The following MEI4 variants were observed in gnomAD, a reference collection of about 807,000 sequenced individuals.
The protein encoded by MEI4 is meiosis-specific protein MEI4.
In MEI4, 27 loss-of-function variants were observed where a neutral mutation model predicts 31.4. That is an observed-to-expected ratio of 0.86 (90% CI 0.63 to 1.19). The LOEUF is 1.19. Ranked by LOEUF, MEI4 falls within the 50% of genes most tolerant of loss-of-function variation. MEI4 has a pLI of 0.00. For synonymous variants in MEI4, 122 were observed against 145.4 expected (o/e 0.84, Z 1.16); for missense variants, 329 against 398.9 (o/e 0.82, Z 1.49).
chr6:77,890,567 T>G (rs1352594166), intron 4 of MEI4, among the ~76,000 whole-genome samples: 2 of 152,160 alleles, frequency 1.3e-5, no homozygotes, highest in Admixed American at 1.3e-4. Context: ...ACTTGGACTT[T>G]AGGGTTAATG....
chr6:77,663,359 G>A (rs1413586667), intron 1 of MEI4, among the ~76,000 whole-genome samples: 7 of 151,930 alleles, frequency 4.6e-5, no homozygotes, highest in African/African-American at 9.7e-5. Context: ...GTGCATGATC[G>A]GTCGCCAAGG....
At chr6:77,751,140 C>G (rs1312802539) in intron 2 of MEI4, among the ~76,000 whole-genome samples, 2 of 152,104 alleles carry the variant, frequency 1.3e-5, no homozygotes, top group African/African-American at 4.8e-5. Context: ...AAATGTATAG[C>G]ACTAAATGCC....
At chr6:77,922,779 T>C (rs1489323779) in intron 4 of MEI4, among the ~76,000 whole-genome samples, 1 of 151,714 alleles carries the variant, frequency 6.6e-6, no homozygotes. Flanking sequence ...GTATGACTCC[T>C]TGCCAAGTCA....
At chr6:77,658,200 C>G (rs1450629640) in intron 1 of MEI4, among the ~76,000 whole-genome samples, 1 of 151,858 alleles carries the variant, frequency 6.6e-6, no homozygotes, top group African/African-American at 2.4e-5. Context: ...GTTTTGCGGG[C>G]AGGGGGTGGG....
chr6:77,903,240 A>G lies in MEI4; in HGVS notation c.901-19849A>G, dbSNP rs1018991589. On this transcript the variant is annotated intron_variant, in intron 4 of 4. Transcript: ENST00000684080. ...GTGATGGTTAACTTACAAAATTTCAATTTAAAGTAGTGTCAAAGCAATGCA... is the reference window on the plus strand; with the variant it reads ...GTGATGGTTAACTTACAAAATTTCAGTTTAAAGTAGTGTCAAAGCAATGCA... Among the ~76,000 whole-genome samples the G allele has an allele frequency of 5.3e-5, 8 of 152,080 alleles. No individual in the cohort carries two copies. The East Asian group carries it at 9.6e-4, about 18-fold the overall frequency.
chr6:77,799,702 A>T (rs1363541020), intron 3 of MEI4, among the ~76,000 whole-genome samples: 11 of 152,014 alleles, frequency 7.2e-5, no homozygotes, highest in Non-Finnish European at 1.3e-4. Flanking sequence ...AGTTTCAGCT[A>T]TCTACATATG....
chr6:77,910,005 A>G (rs1212948871), intron 4 of MEI4, among the ~76,000 whole-genome samples: 3 of 152,166 alleles, frequency 2.0e-5, no homozygotes, highest in Non-Finnish European at 4.4e-5. Context: ...ACAAAATTCA[A>G]CAACCTTCAT....
intron 3 of MEI4, among the ~76,000 whole-genome samples, chr6:77,800,829 C>A (rs563848553): frequency 2.0e-5 from 3 of 151,882 alleles, no homozygotes; most frequent in South Asian, 4.2e-4. Flanking sequence ...GCCTTGTATC[C>A]CAGGGATGAA....
intron 2 of MEI4, among the ~76,000 whole-genome samples, chr6:77,695,763 A>G (rs1320063569): frequency 2.6e-5 from 4 of 152,126 alleles, no homozygotes; most frequent in Non-Finnish European, 2.9e-5. Context: ...TTTTGGTTCC[A>G]TATGAACTTG....
At chr6:77,880,450 T>G (rs997877946) in intron 4 of MEI4, among the ~76,000 whole-genome samples, 4 of 152,190 alleles carry the variant, frequency 2.6e-5, no homozygotes, top group Non-Finnish European at 4.4e-5. Context: ...GTGGGTATTT[T>G]TTAAATCACT....
intron 2 of MEI4, among the ~76,000 whole-genome samples, chr6:77,716,445 A>G (rs988623424): frequency 1.3e-5 from 2 of 152,154 alleles, no homozygotes; most frequent in South Asian, 2.1e-4. Context: ...TGCAGTTTTT[A>G]TTGAGGTATT....
At chr6:77,684,009 A>C (rs758276829) in intron 1 of MEI4, among the ~76,000 whole-genome samples, 1 of 152,172 alleles carries the variant, frequency 6.6e-6, no homozygotes, top group Non-Finnish European at 1.5e-5. Context: ...AACAGTGTAC[A>C]AAGATTTCCT....
chr6:77,719,207 G>A lies in MEI4; in HGVS notation c.232+28304G>A, dbSNP rs992749903. Among the ~76,000 whole-genome samples, 11 of 140,700 alleles carry A rather than the reference G, an allele frequency of 7.8e-5. 1 individual carries two copies. The highest frequency in any genetic ancestry group is 3.6e-4 in the Admixed American group (5 of 14,008). 92.3% of individuals were successfully genotyped at this position (140,700 alleles called of 152,430 possible). A position where few individuals can be genotyped will look rare whatever the true frequency, so the allele number is the denominator to read the frequency against. On this transcript the variant is annotated intron_variant, in intron 2 of 4. Transcript: ENST00000684080. ...AAATTCATTGTTTTGTAATATCACC[G>A]CACTATTGGCCACACATTCTTCCCA...
intron 2 of MEI4, among the ~76,000 whole-genome samples, chr6:77,742,236 A>G (rs1767428616): frequency 6.6e-6 from 1 of 151,634 alleles, no homozygotes; most frequent in Non-Finnish European, 1.5e-5. Flanking sequence ...CAGTCCCACC[A>G]ACAGTGTCAA....
chr6:77,831,013 GATTA>G (rs1391140523), intron 4 of MEI4, among the ~76,000 whole-genome samples: 3 of 151,496 alleles, frequency 2.0e-5, no homozygotes, highest in Non-Finnish European at 4.4e-5. Context: ...TCTGACAAAG[GATTA>G]ATTACCAGAA....
At chr6:77,837,570 C>G (rs1460452474) in intron 4 of MEI4, among the ~76,000 whole-genome samples, 1 of 152,172 alleles carries the variant, frequency 6.6e-6, no homozygotes, top group Non-Finnish European at 1.5e-5. Flanking sequence ...CCAAATCTGG[C>G]TTGCCACCTG....
chr6:77,714,075 G>T (rs1358217834), intron 2 of MEI4, among the ~76,000 whole-genome samples: 2 of 151,910 alleles, frequency 1.3e-5, no homozygotes, highest in East Asian at 3.9e-4. Flanking sequence ...TCATTCTTTT[G>T]TATGGCTACA....
intron 4 of MEI4, among the ~76,000 whole-genome samples, chr6:77,844,808 A>G (rs1308407158): frequency 2.0e-5 from 3 of 152,108 alleles, no homozygotes; most frequent in Non-Finnish European, 4.4e-5. Flanking sequence ...AAAGAGTCCA[A>G]TATCTTCACA....
At chr6:77,917,746 T>C (rs1766596448) in intron 4 of MEI4, among the ~76,000 whole-genome samples, 1 of 150,416 alleles carries the variant, frequency 6.6e-6, no homozygotes, top group South Asian at 2.1e-4. Flanking sequence ...TAGTTTCTTT[T>C]GCTGTGCAGA....
Sources: gnomAD v4.1 joint callset for allele counts (sites outside exome capture counted in the v4.1 genomes callset) on GRCh38, gnomAD v4.1.1 for gene constraint, MANE v1.5 for transcripts, NCBI Gene and HGNC (gene_info 2026-07-23, HGNC 2026-07-21) for gene names.